The following PLCE1 variants were observed in gnomAD, a reference collection of about 807,000 sequenced individuals.
PLCE1 encodes phospholipase C epsilon 1.
A neutral mutation model predicts 242.8 loss-of-function variants in PLCE1; 119 were observed. The ratio of observed to expected loss-of-function variants is 0.49; its 90% CI spans 0.42 to 0.57. The LOEUF (loss-of-function observed/expected upper bound fraction) is 0.57, where lower values mean the gene tolerates loss of function less well. Ranked by LOEUF, PLCE1 falls within the 20% of genes least tolerant of loss-of-function variation. PLCE1 has a pLI of 0.00. For synonymous variants in PLCE1, 945 were observed against 1,017.4 expected (o/e 0.93, Z 1.35); for missense variants, 2,441 against 2,788.8 (o/e 0.88, Z 2.81).
At chr10:94,289,197 G>A (rs1319322585) in intron 22 of PLCE1, among the ~76,000 whole-genome samples, 2 of 152,136 alleles carry the variant, frequency 1.3e-5, no homozygotes, top group Admixed American at 1.3e-4. Flanking sequence ...CAAAACCAGT[G>A]AACACAGCTT....
At chr10:94,045,027 G>A (rs934787822) in intron 2 of PLCE1, among the ~76,000 whole-genome samples, 1 of 151,984 alleles carries the variant, frequency 6.6e-6, no homozygotes, top group African/African-American at 2.4e-5. Context: ...TAGAGACAGG[G>A]TCTTGCTCTG....
chr10:94,316,363 G>A (rs971587542), intron 28 of PLCE1, among the ~76,000 whole-genome samples, 184 bp from the exon 29 acceptor site: 2 of 152,052 alleles, frequency 1.3e-5, no homozygotes, highest in Non-Finnish European at 2.9e-5. Flanking sequence ...GCCGTTGCCC[G>A]GAGTGAACAT....
chr10:94,025,009 T>A (rs1186291606), intron 1 of PLCE1, among the ~76,000 whole-genome samples: 1 of 151,558 alleles, frequency 6.6e-6, no homozygotes, highest in Non-Finnish European at 1.5e-5. Flanking sequence ...CAAGATAGAA[T>A]TTTTTTTCCC....
intron 14 of PLCE1, among the ~76,000 whole-genome samples, chr10:94,264,450 G>T (rs1252561505): frequency 1.3e-5 from 2 of 151,614 alleles, no homozygotes; most frequent in African/African-American, 4.8e-5. Flanking sequence ...AAGGAGGTTG[G>T]CTTTAGTCCA....
chr10:94,255,133 G>C (rs2051026209), intron 11 of PLCE1, 84 bp downstream of exon 11: 5 of 1,467,980 alleles, frequency 3.4e-6, no homozygotes, highest in Non-Finnish European at 4.7e-6. Flanking sequence ...GTTGTCTATG[G>C]AAAGACTATT....
intron 2 of PLCE1, among the ~76,000 whole-genome samples, chr10:94,038,835 A>G (rs889543911): frequency 1.3e-5 from 2 of 152,288 alleles, no homozygotes; most frequent in Non-Finnish European, 1.5e-5. Flanking sequence ...GAACATTTTC[A>G]TCATCTCAAA....
chr10:94,262,254 G>A (rs1015464977), intron 13 of PLCE1, among the ~76,000 whole-genome samples: 16 of 152,058 alleles, frequency 1.1e-4, no homozygotes, highest in African/African-American at 3.1e-4. Context: ...ACCTGCCTCA[G>A]CCTCCCAAAG....
chr10:94,127,612 C>T (rs1238790901), intron 2 of PLCE1, among the ~76,000 whole-genome samples: 2 of 152,164 alleles, frequency 1.3e-5, no homozygotes, highest in Non-Finnish European at 2.9e-5. Context: ...AATTCGCGGC[C>T]ATTTTTGTAG....
At chr10:94,299,400 T>C (rs975571593) in intron 24 of PLCE1, among the ~76,000 whole-genome samples, 1 of 152,192 alleles carries the variant, frequency 6.6e-6, no homozygotes, top group East Asian at 1.9e-4. Context: ...AGGCACAAAT[T>C]GGTTAATTTG....
At chr10:94,024,007 G>A (rs887048349) in intron 1 of PLCE1, among the ~76,000 whole-genome samples, 4 of 152,124 alleles carry the variant, frequency 2.6e-5, no homozygotes, top group Non-Finnish European at 4.4e-5. Flanking sequence ...TCAGAGAAAG[G>A]AGGTCAGGAA....
At chr10:94,301,072 C>T (rs1183230358) in intron 24 of PLCE1, among the ~76,000 whole-genome samples, 2 of 151,416 alleles carry the variant, frequency 1.3e-5, no homozygotes, top group Non-Finnish European at 2.9e-5. Flanking sequence ...GGGCCGGGCA[C>T]GATGGCTTAT....
chr10:94,126,453 A>G (rs770227584), intron 2 of PLCE1, among the ~76,000 whole-genome samples: 5 of 152,162 alleles, frequency 3.3e-5, no homozygotes, highest in Non-Finnish European at 5.9e-5. Context: ...CTACTTGTTT[A>G]TTGTCTGCCT....
intron 2 of PLCE1, among the ~76,000 whole-genome samples, chr10:94,043,881 A>G (rs1395618942): frequency 6.6e-6 from 1 of 152,182 alleles, no homozygotes; most frequent in African/African-American, 2.4e-5. Flanking sequence ...CAAACAAAAA[A>G]TTGGGAACTT....
At position 94,066,484 on chromosome 10, in the gene PLCE1, C is replaced by T. The variant is rs184190904; in HGVS notation, c.1206+34232C>T. 1.3e-3 allele frequency among the ~76,000 whole-genome samples: 195 copies of T among 152,230 alleles called. 1 individual carries two copies. The highest frequency in any genetic ancestry group is 3.9e-3 in the African/African-American group (164 of 41,540). ...AGCACGATCTTTTGAGACCCTAACT[C>T]TGGTATGGTGGAGGTATTAATGGAG... On this transcript the variant is annotated intron_variant, in intron 2 of 32. Coordinates refer to ENST00000371380, the MANE Select transcript of PLCE1 (RefSeq NM_016341.4).
intron 11 of PLCE1, 57 bp downstream of exon 11, chr10:94,255,106 A>T: frequency 6.4e-7 from 1 of 1,557,954 alleles, no homozygotes; most frequent in Non-Finnish European, 8.9e-7. Context: ...AGTTGTGTGG[A>T]AGGGCATATC....
chr10:94,271,927 A>G (rs1313353026), intron 18 of PLCE1, among the ~76,000 whole-genome samples: 1 of 152,164 alleles, frequency 6.6e-6, no homozygotes, highest in Non-Finnish European at 1.5e-5. Flanking sequence ...GGATTTCAAA[A>G]GGGGTTTACA....
chr10:94,019,585 T>C (rs1367431532), intron 1 of PLCE1, among the ~76,000 whole-genome samples: 2 of 152,210 alleles, frequency 1.3e-5, no homozygotes, highest in Non-Finnish European at 2.9e-5. Context: ...ATGTTCTCTA[T>C]ATCTCCGCTG....
chr10:94,040,647 C>A (rs2061748338), intron 2 of PLCE1, among the ~76,000 whole-genome samples: 1 of 152,172 alleles, frequency 6.6e-6, no homozygotes, highest in African/African-American at 2.4e-5. Context: ...GAGTGCTGGG[C>A]AGCTCCCTTG....
intron 22 of PLCE1, 136 bp from the exon 23 acceptor site, chr10:94,293,372 A>C (rs543898381): frequency 1.0e-6 from 1 of 955,006 alleles, no homozygotes; most frequent in Non-Finnish European, 1.6e-6. Flanking sequence ...TAACAGAACA[A>C]AAACTGCCAG....
Sources: allele counts gnomAD v4.1 joint callset (sites outside exome capture counted in the v4.1 genomes callset), GRCh38; gene constraint gnomAD v4.1.1; transcripts MANE v1.5; gene names NCBI Gene and HGNC (gene_info 2026-07-23, HGNC 2026-07-21).